Variants in TALDO1 observed in about 807,000 individuals in gnomAD.
The protein encoded by TALDO1 is transaldolase 1.
Under a neutral mutation model 38.1 loss-of-function variants are expected in TALDO1, and 29 were observed. The ratio of observed to expected loss-of-function variants is 0.76; its 90% CI spans 0.57 to 1.04. TALDO1 has a LOEUF of 1.04. Ranked by LOEUF, TALDO1 falls within the 50% of genes least tolerant of loss-of-function variation. The pLI, the probability that TALDO1 is intolerant of heterozygous loss-of-function variation, is 0.00. For missense variants in TALDO1, 499 were observed against 438.1 expected (o/e 1.14, Z -1.24); for synonymous variants, 207 against 176.8 (o/e 1.17, Z -1.36).
chr11:762,536 T>C (rs1458894994), intron 4 of TALDO1, among the ~76,000 whole-genome samples: 2 of 152,260 alleles, frequency 1.3e-5, no homozygotes, highest in Non-Finnish European at 2.9e-5. Flanking sequence ...GTGGAGTCTC[T>C]GGGTGACTGC....
At chr11:764,461 A>G (rs1222058064) in intron 7 of TALDO1, 28 bp downstream of exon 7, 1 of 1,607,136 alleles carries the variant, frequency 6.2e-7, no homozygotes, top group African/African-American at 1.3e-5. Context: ...GTACCTACAT[A>G]TGCCAAGCCC....
chr11:762,126 C>T (rs999304748), intron 4 of TALDO1, among the ~76,000 whole-genome samples: 27 of 152,056 alleles, frequency 1.8e-4, no homozygotes, highest in Admixed American at 1.4e-3. Context: ...CCACCACTCC[C>T]GCCTAATTTT....
At chr11:747,778 G>A (rs531836999) in intron 1 of TALDO1, among the ~76,000 whole-genome samples, 200 bp downstream of exon 1, 40 of 152,260 alleles carry the variant, frequency 2.6e-4, no homozygotes, top group Non-Finnish European at 4.3e-4. Context: ...TCGGCCGTGA[G>A]AGGCGCAGGG....
chr11:753,313 T>C (rs1361339189), intron 1 of TALDO1, among the ~76,000 whole-genome samples: 1 of 151,066 alleles, frequency 6.6e-6, no homozygotes, highest in Non-Finnish European at 1.5e-5. Context: ...GGGCGGATCA[T>C]GAGGTCAGGA....
At chr11:756,124 C>T (rs1265857848) in intron 2 of TALDO1, 122 bp downstream of exon 2, 1 of 1,398,794 alleles carries the variant, frequency 7.1e-7, no homozygotes, top group East Asian at 2.5e-5. Context: ...GAAAAAAACC[C>T]TATCTTTTTG....
chr11:758,860 C>T (rs891311340), intron 2 of TALDO1, 90 bp from the exon 3 acceptor site: 4 of 991,582 alleles, frequency 4.0e-6, no homozygotes, highest in African/African-American at 3.2e-5. Context: ...CCACCTCGGC[C>T]TCCCAAAGTG....
rs1377416360 is a variant in TALDO1 at position 763,775 on chromosome 11, C to T, written c.666C>T (p.Asn222=). ...PGVKSVTKIY[N]YYKKFSYKTI... is the part of the protein sequence containing the mutation. Reference sequence around the variant, plus strand: ...TAAAGAGTGTCACTAAAATCTACAACTACTACAAGAAGTTTAGCTACAAAA... The same window carrying T: ...TAAAGAGTGTCACTAAAATCTACAATTACTACAAGAAGTTTAGCTACAAAA... The change falls in exon 6 of 8, where the codon AAC becomes AAT. Residue 222 remains asparagine, a synonymous_variant. Transcript: ENST00000319006. The T allele has an allele frequency of 6.2e-7, 1 of 1,614,050 alleles. No homozygotes were observed. Among genetic ancestry groups the T allele is most frequent in the Admixed American group, 1.7e-5 (1 of 60,016 alleles).
intron 6 of TALDO1, 99 bp downstream of exon 6, chr11:764,043 C>T (rs1007865690): frequency 4.1e-6 from 6 of 1,469,042 alleles, no homozygotes; most frequent in Non-Finnish European, 3.7e-6. Flanking sequence ...GTGGGGCGAG[C>T]TCATCTTGGG....
rs1564992476 is a variant in TALDO1 at position 759,014 on chromosome 11, C to G, written c.286C>G (p.Leu96Val). 2 of 1,613,070 alleles carry G rather than the reference C, an allele frequency of 1.2e-6. No individual in the cohort carries two copies. Among genetic ancestry groups the G allele is most frequent in the African/African-American group, 2.7e-5 (2 of 74,868 alleles). ...KLFVLFGAEILKKIPGRVSTE... is the reference protein window; with the variant it reads ...KLFVLFGAEIVKKIPGRVSTE... Reference sequence around the variant, plus strand: ...TTTTGTGTTGTTTGGAGCAGAAATACTAAAGAAGATTCCGGGCCGAGTATC... The same window carrying G: ...TTTTGTGTTGTTTGGAGCAGAAATAGTAAAGAAGATTCCGGGCCGAGTATC... Residue 96 changes from leucine (L) to valine (V), a missense_variant, in exon 3 of 8, where the codon CTA becomes GTA. Coordinates refer to ENST00000319006, the MANE Select transcript of TALDO1 (RefSeq NM_006755.2).
At chr11:753,527 T>C (rs896212051) in intron 1 of TALDO1, among the ~76,000 whole-genome samples, 2 of 148,818 alleles carry the variant, frequency 1.3e-5, no homozygotes, top group African/African-American at 5.0e-5. Flanking sequence ...CGAGACTCCG[T>C]CTCAAAAAAA....
intron 1 of TALDO1, among the ~76,000 whole-genome samples, chr11:755,231 G>A (rs1323205940): frequency 3.9e-5 from 5 of 127,368 alleles, no homozygotes; most frequent in East Asian, 2.8e-4. Flanking sequence ...TGCAAGCTCC[G>A]CCTACTGGAT....
In TALDO1 at chr11:755,887, G is replaced by A. The variant is rs561919659; in HGVS notation, c.106G>A (p.Glu36Lys). Residue 36 changes from glutamate (E) to lysine (K), a missense_variant, in exon 2 of 8, where the codon GAG (glutamate) becomes AAG (lysine). Coordinates refer to ENST00000319006, the MANE Select transcript of TALDO1 (RefSeq NM_006755.2). Reference sequence around the variant, plus strand: ...GAAAACTATTTCCCTAGCCATCGACGAGTACAAGCCCCAGGATGCTACCAC... The same window carrying A: ...GAAAACTATTTCCCTAGCCATCGACAAGTACAAGCCCCAGGATGCTACCAC... The part of the protein sequence containing the change: ...ADTGDFHAID[E>K]YKPQDATTNP... The A allele has an allele frequency of 1.2e-5, 19 of 1,614,142 alleles. No individual in the cohort carries two copies. Among genetic ancestry groups the A allele is most frequent in the Admixed American group, 8.3e-5 (5 of 60,018 alleles).
intron 1 of TALDO1, among the ~76,000 whole-genome samples, chr11:751,560 G>A (rs1040878114): frequency 1.3e-5 from 2 of 152,240 alleles, no homozygotes; most frequent in East Asian, 1.9e-4. Context: ...TTGGGAGGCC[G>A]AGGAGGGTGG....
intron 4 of TALDO1, among the ~76,000 whole-genome samples, chr11:761,676 C>G (rs1483218909): frequency 6.6e-6 from 1 of 152,174 alleles, no homozygotes; most frequent in Non-Finnish European, 1.5e-5. Context: ...GTTCTACCAC[C>G]TGCCATCACT....
chr11:749,161 T>C, intron 1 of TALDO1, among the ~76,000 whole-genome samples: 1 of 152,068 alleles, frequency 6.6e-6, no homozygotes. Flanking sequence ...TCCCAGCACT[T>C]TGGGAGGTTG....
chr11:763,308 TCACCTGCCCC>T (rs1564994184), intron 4 of TALDO1, 26 bp from the exon 5 acceptor site: 4 of 420,542 alleles, frequency 9.5e-6, no homozygotes, highest in Admixed American at 1.6e-4. Flanking sequence ...GTCCCCGCCC[TCACCTGCCCC>T]GCCCTCACCT....
chr11:763,464 T>G lies in TALDO1; in HGVS notation c.582T>G (p.Leu194=). The change falls in exon 5 of 8, where the codon CTT becomes CTG. Residue 194 remains leucine, a synonymous_variant. Coordinates refer to ENST00000319006, the MANE Select transcript of TALDO1 (RefSeq NM_006755.2). ...TCTCCCCATTTGTTGGGCGCATCCTTGATTGGCATGTGGCAAACACCGACA... is the reference window on the plus strand; with the variant it reads ...TCTCCCCATTTGTTGGGCGCATCCTGGATTGGCATGTGGCAAACACCGACA... ...TLISPFVGRI[L]DWHVANTDKK... is the part of the protein sequence containing the mutation. 1 of 1,613,260 alleles carries G rather than the reference T, an allele frequency of 6.2e-7. No individual in the cohort carries two copies. Among genetic ancestry groups the G allele is most frequent in the Non-Finnish European group, 8.5e-7 (1 of 1,179,822 alleles).
intron 2 of TALDO1, among the ~76,000 whole-genome samples, chr11:758,659 C>T (rs565905349): frequency 1.3e-5 from 2 of 151,432 alleles, no homozygotes; most frequent in Non-Finnish European, 2.9e-5. Context: ...GGCTGGAGTG[C>T]AGTGGCACGA....
Position 763,891 on chromosome 11 carries a change from G to T in TALDO1, c.782G>T (p.Gly261Val). The T allele has an allele frequency of 6.2e-7, 1 of 1,613,262 alleles. No individual in the cohort carries two copies. The highest frequency in any genetic ancestry group is 1.1e-5 in the South Asian group (1 of 91,090). Residue 261 changes from glycine to valine, a missense_variant, in exon 6 of 8, where the codon GGA becomes GTA. Transcript: ENST00000319006. ...DFLTISPKLLGELLQDNAKLV... is the reference protein window; with the variant it reads ...DFLTISPKLLVELLQDNAKLV... ...CTCACCATCTCACCCAAGCTCCTGG[G>T]AGAGCTGCTGCAGGACAACGCCAAG...
Sources: gnomAD v4.1 joint callset for allele counts (sites outside exome capture counted in the v4.1 genomes callset) on GRCh38, gnomAD v4.1.1 for gene constraint, MANE v1.5 for transcripts, NCBI Gene and HGNC (gene_info 2026-07-23, HGNC 2026-07-21) for gene names.